Variants in SLC22A3 observed in about 807,000 individuals in gnomAD.
SLC22A3 encodes the protein EMT organic cation transporter 3.
In SLC22A3, 51 loss-of-function variants were observed where a neutral mutation model predicts 59.1. The ratio of observed to expected loss-of-function variants is 0.86; its 90% CI spans 0.69 to 1.09. The LOEUF (loss-of-function observed/expected upper bound fraction) is 1.09. Among genes scored for constraint, SLC22A3 ranks in the 50% least tolerant of loss-of-function variants. The pLI, the probability that SLC22A3 is intolerant of heterozygous loss-of-function variation, is 0.00. For missense variants in SLC22A3, 711 were observed against 726.3 expected (o/e 0.98, Z 0.24); for synonymous variants, 325 against 292.0 (o/e 1.11, Z -1.15).
intron 5 of SLC22A3, 22 bp from the exon 6 acceptor site, chr6:160,436,758 G>T: frequency 4.0e-6 from 6 of 1,491,818 alleles, no homozygotes; most frequent in Non-Finnish European, 5.6e-6. Context: ...TATTGCTACT[G>T]AAATCTGCTT....
intron 5 of SLC22A3, among the ~76,000 whole-genome samples, chr6:160,431,148 T>A (rs1030108843): frequency 1.3e-5 from 2 of 152,208 alleles, no homozygotes; most frequent in Admixed American, 6.5e-5. Context: ...AGCAATTTTT[T>A]AAAAACAATT....
chr6:160,411,223 T>C (rs1305028535), intron 5 of SLC22A3, among the ~76,000 whole-genome samples: 1 of 152,234 alleles, frequency 6.6e-6, no homozygotes, highest in African/African-American at 2.4e-5. Flanking sequence ...ATCATTCATC[T>C]TGATTGTACA....
intron 5 of SLC22A3, among the ~76,000 whole-genome samples, chr6:160,428,831 CTT>C (rs1788054282): frequency 6.6e-6 from 1 of 152,174 alleles, no homozygotes; most frequent in Non-Finnish European, 1.5e-5. Context: ...TTTATCTACT[CTT>C]GTTTTAAAGG....
At chr6:160,400,984 G>GAAAAAAAA (rs58532600) in intron 2 of SLC22A3, among the ~76,000 whole-genome samples, 6 of 78,552 alleles carry the variant, frequency 7.6e-5, no homozygotes, top group Non-Finnish European at 1.4e-4. Flanking sequence ...CTCCAAAACT[G>GAAAAAAAA]AAAAAAAAAA....
chr6:160,362,559 T>C (rs1785049810), intron 1 of SLC22A3, among the ~76,000 whole-genome samples: 1 of 152,188 alleles, frequency 6.6e-6, no homozygotes, highest in Non-Finnish European at 1.5e-5. Context: ...AAGCAGAGGC[T>C]GAAGCGAGGG....
At chr6:160,371,427 G>A (rs987390903) in intron 1 of SLC22A3, among the ~76,000 whole-genome samples, 1 of 152,140 alleles carries the variant, frequency 6.6e-6, no homozygotes, top group Non-Finnish European at 1.5e-5. Context: ...GTGAGAACAT[G>A]AGGTGTTTGG....
In SLC22A3 at chr6:160,451,061, C is replaced by G; in HGVS notation, c.*5C>G. On this transcript the variant is annotated 3_prime_UTR_variant, in exon 11 of 11. Coordinates refer to ENST00000275300, the MANE Select transcript of SLC22A3 (RefSeq NM_021977.4). ...GTTTCCCGCTCTCACCTTTGAGGCCCCCGACAAAGACAGAAAGAAGGAGCT... is the reference window on the plus strand; with the variant it reads ...GTTTCCCGCTCTCACCTTTGAGGCCGCCGACAAAGACAGAAAGAAGGAGCT... The G allele has an allele frequency of 1.3e-6, 2 of 1,588,594 alleles. No individual in the cohort carries two copies. The highest frequency in any genetic ancestry group is 2.3e-5 in the East Asian group (1 of 43,676).
In SLC22A3 at chr6:160,433,073, G is replaced by A. The variant is rs900350070; in HGVS notation, c.976-3707G>A. 3.3e-5 allele frequency among the ~76,000 whole-genome samples: 5 copies of A among 152,266 alleles called. No individual in the cohort carries two copies. In the East Asian group the frequency reaches 5.8e-4, roughly 18 times the overall value. ...TTTTATTGGAAGCCATTTATGTATC[G>A]TCTATGACTGTTTTCACACTACGAT... On this transcript the variant is annotated intron_variant, in intron 5 of 10. Coordinates refer to ENST00000275300, the MANE Select transcript of SLC22A3 (RefSeq NM_021977.4).
intron 5 of SLC22A3, among the ~76,000 whole-genome samples, chr6:160,418,820 G>T (rs1331821555): frequency 6.6e-6 from 1 of 152,158 alleles, no homozygotes; most frequent in African/African-American, 2.4e-5. Context: ...TGATACTACA[G>T]AACTGAATAT....
At position 160,415,225 on chromosome 6, in the gene SLC22A3, C is replaced by T. The variant is rs16891586; in HGVS notation, c.975+4379C>T. On this transcript the variant is annotated intron_variant, in intron 5 of 10. Transcript: ENST00000275300. The surrounding 1 kb of genome is among the most constrained non-coding windows in gnomAD (Gnocchi z 4.1). ...CGGAATTCAGCCACATTATGGGCCA[C>T]GTCATAGTTTTCCATCTCAAAGGTC... 0.02 allele frequency among the ~76,000 whole-genome samples: 2,993 copies of T among 152,262 alleles called. 89 individuals carry two copies. Among genetic ancestry groups the T allele is most frequent in the Middle Eastern group, 0.11 (33 of 294 alleles).
intron 10 of SLC22A3, among the ~76,000 whole-genome samples, chr6:160,448,833 G>A (rs1487219650): frequency 6.6e-6 from 1 of 152,152 alleles, no homozygotes; most frequent in Non-Finnish European, 1.5e-5. Flanking sequence ...TCTTGCCAGA[G>A]ACTTCCATAC....
intron 5 of SLC22A3, chr6:160,426,319 G>T (rs1027035333): frequency 1.2e-4 from 119 of 985,386 alleles, no homozygotes; most frequent in Middle Eastern, 5.2e-4. Flanking sequence ...GGTTCTTGTG[G>T]TTCTTGTGGT....
intron 1 of SLC22A3, among the ~76,000 whole-genome samples, chr6:160,369,930 A>G (rs764005936): frequency 3.3e-5 from 5 of 152,166 alleles, no homozygotes; most frequent in Non-Finnish European, 5.9e-5. Context: ...GGATGACCCA[A>G]TGGCCAGGGC....
chr6:160,390,327 C>T (rs1014658674), intron 1 of SLC22A3, among the ~76,000 whole-genome samples: 1 of 152,158 alleles, frequency 6.6e-6, no homozygotes, highest in Non-Finnish European at 1.5e-5. Flanking sequence ...CGAGGAACCC[C>T]AAGCCAGCCA....
At chr6:160,417,132 T>C (rs1178211460) in intron 5 of SLC22A3, among the ~76,000 whole-genome samples, 2 of 152,206 alleles carry the variant, frequency 1.3e-5, no homozygotes, top group Admixed American at 6.5e-5. Context: ...GGCAATATAC[T>C]TCCCCACCCA....
chr6:160,447,787 GAGAC>G lies in SLC22A3; in HGVS notation c.1582_1585del (p.Thr528TrpfsTer4), dbSNP rs1478416115. 6.2e-7 allele frequency: 1 copy of G among 1,614,102 alleles called. No individual in the cohort carries two copies. The highest frequency in any genetic ancestry group is 8.5e-7 in the Non-Finnish European group (1 of 1,179,974). ...TGAAACCAAGGGTATTGCCTTGCCA[GAGAC>G]AGTGGATGATGTAGAAAAACTTGGC... is the stretch of plus-strand genomic sequence containing the variant. On this transcript the variant is annotated frameshift_variant, in exon 10 of 11. Transcript: ENST00000275300. LOFTEE classifies it high-confidence loss of function.
chr6:160,360,381 C>T (rs1276002477), intron 1 of SLC22A3, among the ~76,000 whole-genome samples: 1 of 152,134 alleles, frequency 6.6e-6, no homozygotes, highest in African/African-American at 2.4e-5. Context: ...TCACTTGAAC[C>T]CAGGAGGTGG....
intron 1 of SLC22A3, among the ~76,000 whole-genome samples, chr6:160,395,708 T>G (rs1562483102): frequency 6.6e-6 from 1 of 152,220 alleles, no homozygotes; most frequent in African/African-American, 2.4e-5. Context: ...TATCTGTAAA[T>G]CTCTTTACTT....
intron 1 of SLC22A3, among the ~76,000 whole-genome samples, chr6:160,378,012 C>A (rs1050767462): frequency 1.3e-5 from 2 of 152,094 alleles, no homozygotes; most frequent in Non-Finnish European, 2.9e-5. Context: ...ATATGAGTAA[C>A]CTGGTGTTTG....
Sources: gnomAD v4.1 joint callset for allele counts (sites outside exome capture counted in the v4.1 genomes callset) on GRCh38, gnomAD v4.1.1 for gene constraint, Gnocchi (gnomAD v3.1) non-coding constraint, MANE v1.5 for transcripts, NCBI Gene and HGNC (gene_info 2026-07-23, HGNC 2026-07-21) for gene names.